The following PDE1C variants were observed in gnomAD, a reference collection of about 807,000 sequenced individuals.
PDE1C encodes the protein dual specificity calcium/calmodulin-dependent 3',5'-cyclic nucleotide phosphodiesterase 1C.
PDE1C carries 62 observed loss-of-function variants against 93.1 expected under a neutral mutation model. The ratio of observed to expected loss-of-function variants is 0.67; its 90% CI spans 0.54 to 0.82. The LOEUF (loss-of-function observed/expected upper bound fraction) is 0.82, where lower values mean the gene tolerates loss of function less well. Among genes scored for constraint, PDE1C ranks in the 40% least tolerant of loss-of-function variants. The pLI, the probability that PDE1C is intolerant of heterozygous loss-of-function variation, is 0.00. For missense variants in PDE1C, 742 were observed against 884.6 expected (o/e 0.84, Z 2.04); for synonymous variants, 325 against 310.1 (o/e 1.05, Z -0.50).
At chr7:32,021,859 C>T (rs1252679021) in intron 2 of PDE1C, among the ~76,000 whole-genome samples, 5 of 152,138 alleles carry the variant, frequency 3.3e-5, no homozygotes, top group East Asian at 1.9e-4. Context: ...CATTTACATG[C>T]TCCTCTCTCA....
At chr7:32,248,979 T>C (rs1278330537) in intron 1 of PDE1C, among the ~76,000 whole-genome samples, 3 of 152,064 alleles carry the variant, frequency 2.0e-5, no homozygotes, top group African/African-American at 7.2e-5. Context: ...TGAAGGGCTG[T>C]CATGTAGAAG....
chr7:32,092,336 C>A (rs1374888747), intron 3 of PDE1C, among the ~76,000 whole-genome samples: 1 of 152,166 alleles, frequency 6.6e-6, no homozygotes, highest in African/African-American at 2.4e-5. Flanking sequence ...CTCTCCTGCA[C>A]TACTGGATGC....
At chr7:32,402,985 T>C (rs1049794077) in intron 1 of PDE1C, among the ~76,000 whole-genome samples, 7 of 152,174 alleles carry the variant, frequency 4.6e-5, no homozygotes, top group Admixed American at 4.6e-4. Context: ...CCTGTCCTAT[T>C]CCTGCAACAT....
At chr7:32,089,149 A>G (rs1232992842) in intron 3 of PDE1C, among the ~76,000 whole-genome samples, 3 of 152,218 alleles carry the variant, frequency 2.0e-5, no homozygotes, top group African/African-American at 4.8e-5. Flanking sequence ...TTCTTTCCCT[A>G]AACATAAATA....
chr7:31,849,511 T>A (rs1292042584), intron 8 of PDE1C, among the ~76,000 whole-genome samples: 1 of 152,208 alleles, frequency 6.6e-6, no homozygotes, highest in East Asian at 1.9e-4. Context: ...CTGCTTCCAT[T>A]CAATTAAAAT....
intron 16 of PDE1C, among the ~76,000 whole-genome samples, chr7:31,796,005 G>A (rs1339012727): frequency 2.0e-5 from 3 of 151,246 alleles, no homozygotes; most frequent in Non-Finnish European, 3.0e-5. Flanking sequence ...TTAACCAGAT[G>A]CATGAGAATA....
chr7:31,883,697 G>T (rs1301006716), intron 2 of PDE1C, among the ~76,000 whole-genome samples: 2 of 152,228 alleles, frequency 1.3e-5, no homozygotes, highest in African/African-American at 4.8e-5. Context: ...ATCACCTTGT[G>T]ATCAGGGGGC....
chr7:31,766,377 G>C (rs1318011133), intron 17 of PDE1C, among the ~76,000 whole-genome samples: 1 of 131,592 alleles, frequency 7.6e-6, no homozygotes, highest in Non-Finnish European at 1.7e-5. Flanking sequence ...GAGCAAGACT[G>C]TGTCTCAAAA....
intron 3 of PDE1C, among the ~76,000 whole-genome samples, chr7:32,143,089 C>T (rs1037739103): frequency 6.6e-6 from 1 of 151,884 alleles, no homozygotes; most frequent in Non-Finnish European, 1.5e-5. Context: ...AAGACAACCA[C>T]AGCAGGGCAT....
intron 16 of PDE1C, among the ~76,000 whole-genome samples, chr7:31,794,042 A>AGATAGATAGATAGACG (rs1157143757): frequency 6.0e-4 from 51 of 84,674 alleles, no homozygotes; most frequent in Middle Eastern, 5.4e-3. Context: ...ATAGATAGAT[A>AGATAGATAGATAGACG]GACAGACAGA....
At chr7:31,984,660 T>C (rs1259949408) in intron 2 of PDE1C, among the ~76,000 whole-genome samples, 2 of 152,198 alleles carry the variant, frequency 1.3e-5, no homozygotes, top group Non-Finnish European at 2.9e-5. Context: ...CTAGAAGATT[T>C]AGAAGATCAC....
chr7:31,808,979 T>A (rs2128709352), intron 16 of PDE1C, 52 bp downstream of exon 16: 1 of 1,035,836 alleles, frequency 9.7e-7, no homozygotes, highest in Non-Finnish European at 1.5e-6. Flanking sequence ...CTAACAAGCT[T>A]ACATTAAACT....
chr7:32,007,895 C>T (rs1786497387), intron 2 of PDE1C, among the ~76,000 whole-genome samples: 1 of 152,156 alleles, frequency 6.6e-6, no homozygotes, highest in African/African-American at 2.4e-5. Flanking sequence ...TTTTTTGAGA[C>T]ATTCTCTCTA....
At chr7:31,723,862 T>C in the PDE1C span, among the ~76,000 whole-genome samples, 1 of 152,178 alleles carries the variant, frequency 6.6e-6, no homozygotes, top group Non-Finnish European at 1.5e-5. Flanking sequence ...GACCCCCAAA[T>C]ACATACACGC....
At chr7:32,281,575 G>A (rs1415620570) in intron 1 of PDE1C, among the ~76,000 whole-genome samples, 1 of 152,104 alleles carries the variant, frequency 6.6e-6, no homozygotes, top group Non-Finnish European at 1.5e-5. Context: ...GTGAGACCTT[G>A]CCTATAACAA....
chr7:32,397,164 A>G (rs1251955966), intron 1 of PDE1C, among the ~76,000 whole-genome samples: 1 of 152,208 alleles, frequency 6.6e-6, no homozygotes, highest in Non-Finnish European at 1.5e-5. Flanking sequence ...GTGACAAAAA[A>G]TATCATAACC....
chr7:32,201,907 G>T (rs913067083), intron 2 of PDE1C, among the ~76,000 whole-genome samples: 3 of 152,156 alleles, frequency 2.0e-5, no homozygotes, highest in African/African-American at 7.2e-5. Context: ...TCCAGAAAAA[G>T]GAGGAGGAGG....
At chr7:32,005,296 C>A (rs1310159711) in intron 2 of PDE1C, among the ~76,000 whole-genome samples, 1 of 151,066 alleles carries the variant, frequency 6.6e-6, no homozygotes, top group Non-Finnish European at 1.5e-5. Context: ...GTGGTTCATG[C>A]CAGTAATCCC....
intron 2 of PDE1C, among the ~76,000 whole-genome samples, chr7:31,882,754 G>A (rs1036927427): frequency 1.3e-5 from 2 of 152,034 alleles, no homozygotes; most frequent in Admixed American, 6.6e-5. Flanking sequence ...TAGAACCTAA[G>A]AGGAAATGAC....
Sources: gnomAD v4.1 joint callset for allele counts (sites outside exome capture counted in the v4.1 genomes callset) on GRCh38, gnomAD v4.1.1 for gene constraint, MANE v1.5 for transcripts, NCBI Gene and HGNC (gene_info 2026-07-23, HGNC 2026-07-21) for gene names.